KDM2A: variants seen among roughly 807,000 people sequenced by gnomAD.
The protein encoded by KDM2A is lysine demethylase 2A.
A neutral mutation model predicts 137.3 loss-of-function variants in KDM2A; 3 were observed. The observed-to-expected ratio is 0.02, with a 90% confidence interval of 0.01 to 0.06. The LOEUF is 0.06. KDM2A is among the 10% of genes least tolerant of loss of function. KDM2A has a pLI of 1.00. For missense variants in KDM2A, 738 were observed against 1,510.6 expected (o/e 0.49, Z 8.48); for synonymous variants, 512 against 541.5 (o/e 0.95, Z 0.76).
chr11:67,210,621 G>A (rs1378959933), intron 6 of KDM2A, among the ~76,000 whole-genome samples: 3 of 152,170 alleles, frequency 2.0e-5, no homozygotes, highest in African/African-American at 7.2e-5. Flanking sequence ...AAATTATTAA[G>A]AGAGCAGAGG....
intron 8 of KDM2A, 33 bp from the exon 9 acceptor site, chr11:67,217,698 G>C: frequency 1.2e-6 from 2 of 1,609,162 alleles, no homozygotes; most frequent in Non-Finnish European, 1.7e-6. Context: ...CATGTCAATG[G>C]CTGTTAACAG....
intron 10 of KDM2A, among the ~76,000 whole-genome samples, chr11:67,220,665 G>T (rs973406480): frequency 1.3e-5 from 2 of 152,086 alleles, no homozygotes; most frequent in Non-Finnish European, 2.9e-5. Flanking sequence ...ATACCTTAAG[G>T]CAAGAGTTGA....
intron 10 of KDM2A, among the ~76,000 whole-genome samples, chr11:67,226,717 G>C (rs752300929): frequency 6.6e-6 from 1 of 152,114 alleles, no homozygotes; most frequent in African/African-American, 2.4e-5. Flanking sequence ...GCAAGACTCC[G>C]TCTCAAAAAA....
intron 15 of KDM2A, among the ~76,000 whole-genome samples, chr11:67,246,913 A>C (rs1338023472): frequency 6.6e-6 from 1 of 151,408 alleles, no homozygotes; most frequent in South Asian, 2.1e-4. Context: ...GGCATTAAGC[A>C]TATGTTGAAT....
intron 4 of KDM2A, among the ~76,000 whole-genome samples, 170 bp downstream of exon 4, chr11:67,181,568 G>C (rs547158790): frequency 6.6e-6 from 1 of 150,626 alleles, no homozygotes; most frequent in South Asian, 2.1e-4. Context: ...TCATATTAGA[G>C]GTAAATGAGA....
chr11:67,245,741 A>G lies in KDM2A; in HGVS notation c.1834-244A>G. 1.7e-6 allele frequency: 1 copy of G among 600,232 alleles called. No homozygotes were observed. The highest frequency in any genetic ancestry group is 2.1e-5 in the South Asian group (1 of 47,170). 37.2% of individuals were successfully genotyped at this position (600,232 alleles called of 1,614,324 possible). On this transcript the variant is annotated intron_variant, in intron 14 of 20. Coordinates refer to ENST00000529006, the MANE Select transcript of KDM2A (RefSeq NM_012308.3). The surrounding 1 kb of genome is among the most constrained non-coding windows in gnomAD (Gnocchi z 4.1). ...CCCCTCTTCAGGTAGATTAGAAAGG[A>G]CCGGGGAGGCCAAGTATAGGCCAAC... is the stretch of plus-strand genomic sequence containing the variant.
rs1590830552 is a variant in KDM2A, at chr11:67,250,860, A to G, written c.2768+62A>G. ...TGGGAGTAGGTGGCAGGTTTTCCAT[A>G]TGAGAACAGCATGCACCTTGGCATC... On this transcript the variant is annotated intron_variant, in intron 17 of 20. Coordinates refer to ENST00000529006, the MANE Select transcript of KDM2A (RefSeq NM_012308.3). This position sits in a 1 kb window ranked among gnomAD's most constrained non-coding sequence, Gnocchi z 7.1. 19 of 1,248,962 alleles carry G rather than the reference A, an allele frequency of 1.5e-5. No individual in the cohort carries two copies. In the East Asian group the frequency reaches 3.8e-4, roughly 25 times the overall value. 77.4% of individuals were successfully genotyped at this position (1,248,962 alleles called of 1,614,324 possible). A position where few individuals can be genotyped will look rare whatever the true frequency, so the allele number is the denominator to read the frequency against.
At chr11:67,185,146 T>C (rs529750960) in intron 5 of KDM2A, among the ~76,000 whole-genome samples, 4 of 152,078 alleles carry the variant, frequency 2.6e-5, no homozygotes, top group Non-Finnish European at 5.9e-5. Flanking sequence ...AATGGAAATA[T>C]CAATAAAGAG....
intron 6 of KDM2A, among the ~76,000 whole-genome samples, chr11:67,209,530 G>A (rs943734649): frequency 6.6e-6 from 1 of 151,546 alleles, no homozygotes; most frequent in South Asian, 2.1e-4. Context: ...TGCAGCCTCC[G>A]CCTCCCAGGT....
chr11:67,123,690 T>G (rs1320031273), intron 2 of KDM2A, among the ~76,000 whole-genome samples: 1 of 152,066 alleles, frequency 6.6e-6, no homozygotes, highest in Non-Finnish European at 1.5e-5. Context: ...TGTTTTTTTT[T>G]TTTGAGACGG....
intron 10 of KDM2A, among the ~76,000 whole-genome samples, chr11:67,227,434 G>A (rs1314528521): frequency 1.3e-5 from 2 of 151,922 alleles, no homozygotes; most frequent in African/African-American, 4.8e-5. Context: ...TACTTTGCAT[G>A]CCTTTTTTTC....
At chr11:67,253,632 C>A (rs760208776) in intron 19 of KDM2A, 21 bp downstream of exon 19, 1 of 1,611,860 alleles carries the variant, frequency 6.2e-7, no homozygotes, top group Non-Finnish European at 8.5e-7. Flanking sequence ...GACCTGACTT[C>A]TCTGTGCTTG....
intron 12 of KDM2A, among the ~76,000 whole-genome samples, chr11:67,236,461 T>G (rs1431088459): frequency 1.3e-5 from 2 of 152,174 alleles, no homozygotes; most frequent in African/African-American, 2.4e-5. Flanking sequence ...ATTGTTGTTT[T>G]TGTTGGTATT....
At chr11:67,204,020 C>G (rs112282938) in intron 5 of KDM2A, among the ~76,000 whole-genome samples, 106 of 152,008 alleles carry the variant, frequency 7.0e-4, no homozygotes, top group Non-Finnish European at 1.3e-4. Flanking sequence ...AGGCTGGTCT[C>G]AAACTCCTGA....
Position 67,135,509 on chromosome 11 carries a change from T to G in KDM2A, c.42+14151T>G, listed in dbSNP as rs542641801. Among the ~76,000 whole-genome samples, 6 of 152,346 alleles carry G rather than the reference T, an allele frequency of 3.9e-5. No homozygotes were observed. The East Asian group carries it at 1.2e-3, about 29-fold the overall frequency. ...CTGAAAAACTGCCTCATGAGCTGGT[T>G]GTGGCCCTCAGCCTTAATTCATCTC... On this transcript the variant is annotated intron_variant, in intron 2 of 20. Coordinates refer to ENST00000529006, the MANE Select transcript of KDM2A (RefSeq NM_012308.3).
chr11:67,236,982 TGCCTGGC>T (rs1198224305), intron 12 of KDM2A, among the ~76,000 whole-genome samples: 1 of 152,116 alleles, frequency 6.6e-6, no homozygotes, highest in African/African-American at 2.4e-5. Flanking sequence ...GGTTTGTAGG[TGCCTGGC>T]ATGACACAGG....
intron 5 of KDM2A, among the ~76,000 whole-genome samples, chr11:67,203,443 T>C (rs1279329770): frequency 3.0e-5 from 3 of 99,302 alleles, no homozygotes; most frequent in Admixed American, 1.4e-4. Flanking sequence ...AATAATATAT[T>C]AATATAATTA....
At position 67,257,090 on chromosome 11, in the gene KDM2A, CT is replaced by C. The variant is rs900640949; in HGVS notation, c.*2038del. 6.6e-6 allele frequency: 1 copy of C among 152,258 alleles called. No individual in the cohort carries two copies. The highest frequency in any genetic ancestry group is 2.4e-5 in the African/African-American group (1 of 41,422). 9.4% of individuals were successfully genotyped at this position (152,258 alleles called of 1,614,324 possible). On this transcript the variant is annotated 3_prime_UTR_variant, in exon 21 of 21. Transcript: ENST00000529006. Reference sequence around the variant, plus strand: ...CCTGTGGAAAATACTGAAAAGATTACTTTGTTTTATTTTGTTGTCTTTTTAT... The same window carrying C: ...CCTGTGGAAAATACTGAAAAGATTACTTGTTTTATTTTGTTGTCTTTTTAT...
chr11:67,135,090 C>T (rs192158910), intron 2 of KDM2A, among the ~76,000 whole-genome samples: 5 of 151,136 alleles, frequency 3.3e-5, no homozygotes, highest in South Asian at 2.1e-4. Flanking sequence ...CCCCCTGAGA[C>T]GGAGTTTCAC....
Sources: allele counts gnomAD v4.1 joint callset (sites outside exome capture counted in the v4.1 genomes callset), GRCh38; gene constraint gnomAD v4.1.1; non-coding constraint Gnocchi (gnomAD v3.1); transcripts MANE v1.5; gene names NCBI Gene and HGNC (gene_info 2026-07-23, HGNC 2026-07-21).